Variants in HECTD2 observed in about 807,000 individuals in gnomAD.
HECTD2 encodes HECT domain E3 ubiquitin protein ligase 2.
Under a neutral mutation model 103.2 loss-of-function variants are expected in HECTD2, and 35 were observed. The ratio of observed to expected loss-of-function variants is 0.34; its 90% CI spans 0.26 to 0.45. The LOEUF (loss-of-function observed/expected upper bound fraction) is 0.45, where lower values mean the gene tolerates loss of function less well. Ranked by LOEUF, HECTD2 falls within the 20% of genes least tolerant of loss-of-function variation. The pLI, the probability that HECTD2 is intolerant of heterozygous loss-of-function variation, is 1.00. For synonymous variants in HECTD2, 281 were observed against 329.9 expected, an observed-to-expected ratio of 0.85 and a Z score of 1.61; for missense variants, 596 against 937.4, an observed-to-expected ratio of 0.64 and a Z score of 4.76.
chr10:91,494,190 G>A (rs535152114), intron 14 of HECTD2, among the ~76,000 whole-genome samples: 1 of 151,742 alleles, frequency 6.6e-6, no homozygotes, highest in East Asian at 1.9e-4. Flanking sequence ...CTGGAGATAA[G>A]AAAGTATAAA....
intron 10 of HECTD2, 197 bp downstream of exon 10, chr10:91,485,500 T>A: frequency 2.2e-6 from 1 of 447,520 alleles, no homozygotes; most frequent in Non-Finnish European, 3.8e-6. Flanking sequence ...ACATGTTAAT[T>A]TGGTTTTGGT....
chr10:91,436,597 T>A (rs1023469027), intron 2 of HECTD2, among the ~76,000 whole-genome samples: 1 of 151,970 alleles, frequency 6.6e-6, no homozygotes, highest in Non-Finnish European at 1.5e-5. Context: ...CTCCAAATAA[T>A]AGGAATTTCC....
intron 5 of HECTD2, among the ~76,000 whole-genome samples, chr10:91,472,335 A>C (rs560065060): frequency 6.6e-6 from 1 of 152,286 alleles, no homozygotes; most frequent in African/African-American, 2.4e-5. Context: ...TAATGTAAAA[A>C]CTGAAAGTAT....
At chr10:91,463,346 A>T (rs1172027379) in intron 5 of HECTD2, 2 of 152,256 alleles carry the variant, frequency 1.3e-5, no homozygotes, top group African/African-American at 4.8e-5. Context: ...AAAGGTCTTC[A>T]TCCTTATTGA....
intron 5 of HECTD2, chr10:91,462,410 A>G (rs1220393665): frequency 1.6e-6 from 2 of 1,213,602 alleles, no homozygotes; most frequent in Non-Finnish European, 2.1e-6. Context: ...TTTTAGAAAG[A>G]CTTGCTAAAA....
chr10:91,500,406 T>G, intron 18 of HECTD2, 96 bp from the exon 19 acceptor site: 1 of 375,510 alleles, frequency 2.7e-6, no homozygotes, highest in Non-Finnish European at 5.3e-6. Flanking sequence ...CTATGAGAAA[T>G]CATGACTTTT....
chr10:91,462,739 T>A, intron 5 of HECTD2: 1 of 985,990 alleles, frequency 1.0e-6, no homozygotes, highest in Non-Finnish European at 1.2e-6. Flanking sequence ...GTAAACAAAG[T>A]CTCCAGAAGT....
At chr10:91,418,692 A>G (rs1019813441) in intron 1 of HECTD2, among the ~76,000 whole-genome samples, 1 of 152,124 alleles carries the variant, frequency 6.6e-6, no homozygotes, top group African/African-American at 2.4e-5. Context: ...ACAAAAAGAG[A>G]AACAAAATAT....
chr10:91,411,654 G>A (rs1842921020), intron 1 of HECTD2, among the ~76,000 whole-genome samples: 1 of 152,196 alleles, frequency 6.6e-6, no homozygotes, highest in Non-Finnish European at 1.5e-5. Context: ...TGAGGGCCCT[G>A]ATAACTGGAA....
intron 12 of HECTD2, among the ~76,000 whole-genome samples, chr10:91,491,519 G>A (rs1177885983): frequency 6.6e-6 from 1 of 152,096 alleles, no homozygotes; most frequent in Non-Finnish European, 1.5e-5. Flanking sequence ...ATTCATGTTT[G>A]TATGTTTATT....
At chr10:91,456,263 T>C (rs977869288) in intron 2 of HECTD2, among the ~76,000 whole-genome samples, 2 of 152,212 alleles carry the variant, frequency 1.3e-5, no homozygotes, top group Non-Finnish European at 1.5e-5. Context: ...AGCAGTGGTT[T>C]GTAGTTCTCC....
rs1198344016 is a variant in HECTD2, at chr10:91,503,134, A to G, written c.2210+1800A>G. Among the ~76,000 whole-genome samples the G allele has an allele frequency of 5.3e-5, 8 of 152,246 alleles. No individual in the cohort carries two copies. The East Asian group carries it at 1.2e-3, about 22-fold the overall frequency. On this transcript the variant is annotated intron_variant, in intron 20 of 20. Transcript: ENST00000298068. ...CAGACACTTTTCAAAAGAAGGCAAC[A>G]TGCAGCCAATAAGCATATGAAAAAA...
At chr10:91,502,080 G>C (rs1481806390) in intron 20 of HECTD2, among the ~76,000 whole-genome samples, 1 of 151,852 alleles carries the variant, frequency 6.6e-6, no homozygotes, top group Non-Finnish European at 1.5e-5. Context: ...TTCATTACTA[G>C]CTTATTTTAT....
At position 91,492,378 on chromosome 10, in the gene HECTD2, AAAG is replaced by A; in HGVS notation, c.1330_1332del (p.Lys444del). 6.2e-7 allele frequency: 1 copy of A among 1,613,030 alleles called. No individual in the cohort carries two copies. Among genetic ancestry groups the A allele is most frequent in the Non-Finnish European group, 8.5e-7 (1 of 1,179,108 alleles). ...TAACCCGGAAAAGAGCCGATTTGAA[AAAG>A]AAGTTAAAAGTTACATTTGTAGGGG... On this transcript the variant is annotated inframe_deletion, in exon 13 of 21. Transcript: ENST00000298068.
At chr10:91,450,918 G>A (rs1844790353) in intron 2 of HECTD2, among the ~76,000 whole-genome samples, 1 of 152,140 alleles carries the variant, frequency 6.6e-6, no homozygotes, top group East Asian at 1.9e-4. Flanking sequence ...CTGTTGGTGG[G>A]AGTGTAAATT....
chr10:91,504,582 G>T (rs1249394243), intron 20 of HECTD2, among the ~76,000 whole-genome samples: 1 of 151,734 alleles, frequency 6.6e-6, no homozygotes, highest in Non-Finnish European at 1.5e-5. Context: ...AGAGAAAAAA[G>T]AATAAAAAGA....
chr10:91,485,507 T>C (rs954433920), intron 10 of HECTD2: 1 of 440,028 alleles, frequency 2.3e-6, no homozygotes, highest in Non-Finnish European at 3.9e-6. Flanking sequence ...AATTTGGTTT[T>C]GGTTTGGTTA....
chr10:91,495,943 G>T (rs1846648581), intron 14 of HECTD2, among the ~76,000 whole-genome samples: 1 of 152,102 alleles, frequency 6.6e-6, no homozygotes, highest in Non-Finnish European at 1.5e-5. Flanking sequence ...TTAAGTTGCT[G>T]CCTGTTGTGA....
chr10:91,493,795 TA>T (rs1049102961), intron 14 of HECTD2, among the ~76,000 whole-genome samples: 1 of 151,868 alleles, frequency 6.6e-6, no homozygotes, highest in South Asian at 2.1e-4. Flanking sequence ...AGGCATTTTT[TA>T]AAAAAAATCA....
Sources: gnomAD v4.1 joint callset for allele counts (sites outside exome capture counted in the v4.1 genomes callset) on GRCh38, gnomAD v4.1.1 for gene constraint, MANE v1.5 for transcripts, NCBI Gene and HGNC (gene_info 2026-07-23, HGNC 2026-07-21) for gene names.